PLXNA2: variants seen among roughly 807,000 people sequenced by gnomAD.
PLXNA2 encodes plexin-A2.
In PLXNA2, 91 loss-of-function variants were observed where a neutral mutation model predicts 193.5. That is an observed-to-expected ratio of 0.47 (90% confidence interval 0.40 to 0.56). The LOEUF (loss-of-function observed/expected upper bound fraction) is 0.56. Ranked by LOEUF, PLXNA2 falls within the 20% of genes least tolerant of loss-of-function variation. The pLI is 0.00. For synonymous variants in PLXNA2, 997 were observed against 1,027.3 expected, an observed-to-expected ratio of 0.97 and a Z score of 0.56; for missense variants, 1,995 against 2,503.2, an observed-to-expected ratio of 0.80 and a Z score of 4.33.
chr1:208,218,889 A>G (rs148644267), intron 1 of PLXNA2, among the ~76,000 whole-genome samples: 100 of 152,322 alleles, frequency 6.6e-4, no homozygotes, highest in African/African-American at 2.1e-3. Context: ...CAGGACACAC[A>G]GAGAACCAGT....
intron 3 of PLXNA2, among the ~76,000 whole-genome samples, chr1:208,206,766 G>GT (rs896776741): frequency 0.063 from 7,332 of 116,702 alleles, 399 homozygotes; most frequent in Non-Finnish European, 0.078. Context: ...GCACATATAG[G>GT]TTTTTTTTTT....
chr1:208,034,771 A>T (rs1313424575), intron 26 of PLXNA2, among the ~76,000 whole-genome samples, 179 bp from the exon 27 acceptor site: 1 of 152,210 alleles, frequency 6.6e-6, no homozygotes, highest in Non-Finnish European at 1.5e-5. Context: ...AGAGCTGCAT[A>T]ACCCAATCAA....
chr1:208,225,222 C>T (rs1441118417), intron 1 of PLXNA2, among the ~76,000 whole-genome samples: 1 of 152,174 alleles, frequency 6.6e-6, no homozygotes, highest in Non-Finnish European at 1.5e-5. Context: ...ATTGTGTCCC[C>T]TGGAAATTCC....
chr1:208,183,701 G>A (rs1165043759), intron 3 of PLXNA2, among the ~76,000 whole-genome samples: 1 of 152,178 alleles, frequency 6.6e-6, no homozygotes, highest in East Asian at 1.9e-4. Flanking sequence ...ATCACCAAGA[G>A]AGGCCCGTCT....
chr1:208,060,510 C>T (rs1274279374), intron 13 of PLXNA2, among the ~76,000 whole-genome samples, 176 bp downstream of exon 13: 2 of 152,094 alleles, frequency 1.3e-5, no homozygotes, highest in Non-Finnish European at 1.5e-5. Flanking sequence ...GGATGAGACC[C>T]CCTGAGGGTG....
In PLXNA2 at chr1:208,025,972, A is replaced by T. The variant is rs1335247863; in HGVS notation, c.*1271T>A. The T allele has an allele frequency of 2.0e-5, 3 of 152,788 alleles. No individual in the cohort carries two copies. The highest frequency in any genetic ancestry group is 3.9e-4 in the East Asian group (2 of 5,180). 9.5% of individuals were successfully genotyped at this position (152,788 alleles called of 1,614,324 possible). On this transcript the variant is annotated 3_prime_UTR_variant, in exon 32 of 32. Coordinates refer to ENST00000367033, the MANE Select transcript of PLXNA2 (RefSeq NM_025179.4). ...GTCAGGAGCTTCCGTATATGAGCGAAGGGTGGTCTCCCCTCTCCAGGCACG... is the reference window on the plus strand; with the variant it reads ...GTCAGGAGCTTCCGTATATGAGCGATGGGTGGTCTCCCCTCTCCAGGCACG...
chr1:208,098,587 T>A (rs1666993482), intron 6 of PLXNA2, among the ~76,000 whole-genome samples: 1 of 152,180 alleles, frequency 6.6e-6, no homozygotes, highest in South Asian at 2.1e-4. Flanking sequence ...GACTGCATTA[T>A]GTTGCAGATG....
chr1:208,038,481 G>A lies in PLXNA2; in HGVS notation c.4661-7C>T, dbSNP rs776728583. On this transcript the variant is annotated splice_region_variant and splice_polypyrimidine_tract_variant and intron_variant, in intron 25 of 31. Coordinates refer to ENST00000367033, the MANE Select transcript of PLXNA2 (RefSeq NM_025179.4). The surrounding 1 kb of genome is among the most constrained non-coding windows in gnomAD (Gnocchi z 4.1). The stretch of plus-strand genomic sequence containing the variant: ...ATCCGGCCTTGGCGCCACTCTGGGT[G>A]GAGGGGGTGGTGCAGGGAGCGGCGT... 2.5e-6 allele frequency: 4 copies of A among 1,608,268 alleles called. No individual in the cohort carries two copies. The African/African-American group carries it at 5.3e-5, about 22-fold the overall frequency.
rs1391420340 is a variant in PLXNA2, at chr1:208,103,178, G to A, written c.1576C>T (p.Pro526Ser). The A allele has an allele frequency of 6.2e-7, 1 of 1,613,910 alleles. No individual in the cohort carries two copies. The highest frequency in any genetic ancestry group is 1.3e-5 in the African/African-American group (1 of 74,910). The change falls in exon 5 of 32, where the codon CCT becomes TCT. Residue 526 changes from proline to serine, a missense_variant. Pro to Ser is a moderately conservative substitution (Grantham distance 74). This residue lies in a region of PLXNA2 where 702 missense variants were observed against 812.9 expected (regional missense o/e 0.86). Transcript: ENST00000367033. ...TCGECLSSGD[P>S]HCGWCALHNM... ...TGCAGGGCACACCAGCCACAGTGAG[G>A]GTCCCCAGAGCTCAGGCACTCCCCA... is the stretch of plus-strand genomic sequence containing the variant.
At chr1:208,065,854 C>T (rs1665779219) in intron 12 of PLXNA2, among the ~76,000 whole-genome samples, 1 of 152,170 alleles carries the variant, frequency 6.6e-6, no homozygotes, top group East Asian at 1.9e-4. Flanking sequence ...AGAACACTGG[C>T]CCTGTACAAG....
chr1:208,140,067 C>G (rs1211232554), intron 4 of PLXNA2, among the ~76,000 whole-genome samples: 1 of 152,202 alleles, frequency 6.6e-6, no homozygotes, highest in Non-Finnish European at 1.5e-5. Flanking sequence ...TATCTCTGCT[C>G]ATCGTGGCTG....
rs1421085096 is a variant in PLXNA2 at position 208,040,099 on chromosome 1, G to T, written c.4287-41C>A. On this transcript the variant is annotated intron_variant, in intron 22 of 31. Coordinates refer to ENST00000367033, the MANE Select transcript of PLXNA2 (RefSeq NM_025179.4). ...AGGGTAAGGGGCAGTCCTTCACAGA[G>T]GGGTCTCCGTGGTGGGGCCTGGGCT... The T allele has an allele frequency of 9.1e-6, 14 of 1,544,164 alleles. 1 individual carries two copies. Among genetic ancestry groups the T allele is most frequent in the Middle Eastern group, 1.7e-4 (1 of 5,900 alleles).
chr1:208,202,760 C>T (rs1670593313), intron 3 of PLXNA2, among the ~76,000 whole-genome samples: 1 of 152,202 alleles, frequency 6.6e-6, no homozygotes, highest in African/African-American at 2.4e-5. Context: ...TCATTACGCC[C>T]ATCCCACCCA....
At chr1:208,220,363 GAC>G (rs1213392184) in intron 1 of PLXNA2, among the ~76,000 whole-genome samples, 1 of 152,116 alleles carries the variant, frequency 6.6e-6, no homozygotes, top group Non-Finnish European at 1.5e-5. Flanking sequence ...CAGTAAATGA[GAC>G]AATATAGAGA....
At chr1:208,077,787 C>A (rs185044326) in intron 12 of PLXNA2, among the ~76,000 whole-genome samples, 15 of 152,248 alleles carry the variant, frequency 9.9e-5, no homozygotes, top group African/African-American at 3.1e-4. Context: ...GAGGCACCAT[C>A]CCTGGTCACG....
intron 11 of PLXNA2, among the ~76,000 whole-genome samples, chr1:208,081,192 G>C (rs76236673): frequency 3.9e-4 from 60 of 152,346 alleles, no homozygotes; most frequent in Non-Finnish European, 8.1e-4. Context: ...TGTTTTAGCA[G>C]TGAGAAAGTT....
Position 208,026,103 on chromosome 1 carries a change from T to C in PLXNA2, c.*1140A>G, listed in dbSNP as rs1164019966. 1 of 152,680 alleles carries C rather than the reference T, an allele frequency of 6.5e-6. No homozygotes were observed. Among genetic ancestry groups the C allele is most frequent in the Admixed American group, 6.5e-5 (1 of 15,292 alleles). The allele number at this position is 152,680 out of a possible 1,614,324, so 9.5% of individuals were successfully genotyped here. ...CAGTGTTTGATTTTTGTTTTCTTTT[T>C]AATTGCCAGGGACCACTGGATGATT... On this transcript the variant is annotated 3_prime_UTR_variant, in exon 32 of 32. Transcript: ENST00000367033.
At position 208,236,855 on chromosome 1, in the gene PLXNA2, T is replaced by C. The variant is rs1344913001; in HGVS notation, c.-81+6788A>G. Reference sequence around the variant, plus strand: ...CACATACCCACATCATTCTTGAAGATATAGAATCTCCAAGGTTTCACAGGC... The same window carrying C: ...CACATACCCACATCATTCTTGAAGACATAGAATCTCCAAGGTTTCACAGGC... On this transcript the variant is annotated intron_variant, in intron 1 of 31. Transcript: ENST00000367033. This position sits in a 1 kb window ranked among gnomAD's most constrained non-coding sequence, Gnocchi z 4.4. Among the ~76,000 whole-genome samples the C allele has an allele frequency of 1.3e-5, 2 of 152,214 alleles. No homozygotes were observed. Among genetic ancestry groups the C allele is most frequent in the Admixed American group, 6.5e-5 (1 of 15,288 alleles).
intron 3 of PLXNA2, among the ~76,000 whole-genome samples, chr1:208,202,329 C>G (rs1000984629): frequency 2.6e-5 from 4 of 152,118 alleles, no homozygotes; most frequent in Non-Finnish European, 5.9e-5. Flanking sequence ...ATACCAAGCT[C>G]CTGGCACACA....
Sources: allele counts gnomAD v4.1 joint callset (sites outside exome capture counted in the v4.1 genomes callset), GRCh38; gene constraint gnomAD v4.1.1; regional missense constraint gnomAD v4.1.1; non-coding constraint Gnocchi (gnomAD v3.1); transcripts MANE v1.5; gene names NCBI Gene and HGNC (gene_info 2026-07-23, HGNC 2026-07-21).